The following CFAP100 variants were observed in gnomAD, a reference collection of about 807,000 sequenced individuals.
The protein encoded by CFAP100 is cilia and flagella associated protein 100, also known as cilia- and flagella-associated protein 100.
Under a neutral mutation model 81.5 loss-of-function variants are expected in CFAP100, and 70 were observed. That is an observed-to-expected ratio of 0.86 (90% CI 0.71 to 1.05). The LOEUF (loss-of-function observed/expected upper bound fraction) is 1.05, where lower values mean the gene tolerates loss of function less well. CFAP100 is among the 50% of genes least tolerant of loss of function. The pLI, the probability that CFAP100 is intolerant of heterozygous loss-of-function variation, is 0.00. For synonymous variants in CFAP100, 341 were observed against 314.8 expected (o/e 1.08, Z -0.88); for missense variants, 811 against 776.5 (o/e 1.04, Z -0.53).
chr3:126,416,313 C>T lies in CFAP100; in HGVS notation c.226-3C>T, dbSNP rs1286235953. The stretch of plus-strand genomic sequence containing the variant: ...CCCGCCCGACTTGGCCCGACGCCCC[C>T]AGGAACGGCAGCAGCAGAAGACGAT... On this transcript the variant is annotated splice_polypyrimidine_tract_variant and splice_region_variant and intron_variant, in intron 4 of 16. Coordinates refer to ENST00000352312, the MANE Select transcript of CFAP100 (RefSeq NM_182628.3). The T allele has an allele frequency of 3.0e-5, 47 of 1,580,298 alleles. No homozygotes were observed. Among genetic ancestry groups the T allele is most frequent in the African/African-American group, 4.1e-5 (3 of 73,826 alleles).
chr3:126,405,891 G>A (rs2083055218), intron 2 of CFAP100, among the ~76,000 whole-genome samples: 1 of 151,988 alleles, frequency 6.6e-6, no homozygotes, highest in African/African-American at 2.4e-5. Context: ...GGGCTCAAAG[G>A]ATCCTCCCCC....
intron 13 of CFAP100, among the ~76,000 whole-genome samples, chr3:126,431,762 T>C (rs1362757434): frequency 6.6e-6 from 1 of 152,146 alleles, no homozygotes; most frequent in African/African-American, 2.4e-5. Flanking sequence ...TTGCCATCCA[T>C]TTGTTGAAGA....
At chr3:126,407,781 A>G (rs985767399) in intron 3 of CFAP100, among the ~76,000 whole-genome samples, 3 of 152,202 alleles carry the variant, frequency 2.0e-5, no homozygotes, top group Non-Finnish European at 4.4e-5. Context: ...CAGGATCTAT[A>G]AGGAGGGCAC....
chr3:126,420,406 G>A (rs187991643), intron 11 of CFAP100, among the ~76,000 whole-genome samples, 177 bp downstream of exon 11: 6 of 152,396 alleles, frequency 3.9e-5, no homozygotes, highest in African/African-American at 9.6e-5. Flanking sequence ...GAGGGAGTAG[G>A]ACCTGTGGGC....
chr3:126,418,682 G>A lies in CFAP100; in HGVS notation c.558G>A (p.Leu186=). 1 of 1,582,020 alleles carries A rather than the reference G, an allele frequency of 6.3e-7. No individual in the cohort carries two copies. The highest frequency in any genetic ancestry group is 1.2e-5 in the South Asian group (1 of 86,946). The stretch of plus-strand genomic sequence containing the variant: ...TGGCGACCAAAGAGGAGGCCAGGCT[G>A]GAGCGGGCCGAGAAATCCCTGGAGA... The part of the protein sequence containing the change: ...ETLATKEEAR[L]ERAEKSLEKD... The change falls in exon 7 of 17, where the codon CTG becomes CTA. Residue 186 remains leucine, a synonymous_variant. Transcript: ENST00000352312.
intron 3 of CFAP100, among the ~76,000 whole-genome samples, chr3:126,409,338 G>A (rs1417320820): frequency 1.3e-5 from 2 of 152,236 alleles, no homozygotes; most frequent in Non-Finnish European, 2.9e-5. Context: ...AGTCCCTTCT[G>A]TGCATATGCC....
In CFAP100 at chr3:126,409,055, C is replaced by T. The variant is rs189037645; in HGVS notation, c.130+1803C>T. Among the ~76,000 whole-genome samples, 249 of 152,344 alleles carry T rather than the reference C, an allele frequency of 1.6e-3. 2 individuals carry two copies. The highest frequency in any genetic ancestry group is 1.9e-3 in the South Asian group (9 of 4,824). On this transcript the variant is annotated intron_variant, in intron 3 of 16. Coordinates refer to ENST00000352312, the MANE Select transcript of CFAP100 (RefSeq NM_182628.3). The stretch of plus-strand genomic sequence containing the variant: ...GCTTCAGCCTCGGCCTCCCAAAGTG[C>T]TGGGATTACAGGCGTGAGCCACTGC...
chr3:126,419,691 C>T lies in CFAP100; in HGVS notation c.786C>T (p.Phe262=), dbSNP rs765693151. ...AGCATTACAAGGTCTATAAGGATTT[C>T]CTATACAAGCTGTCGCCCAAGGAGT... ...TLKHYKVYKD[F]LYKLSPKEWL... The change falls in exon 9 of 17, where the codon TTC becomes TTT. Residue 262 remains phenylalanine, a synonymous_variant. Coordinates refer to ENST00000352312, the MANE Select transcript of CFAP100 (RefSeq NM_182628.3). The T allele has an allele frequency of 4.3e-6, 7 of 1,614,090 alleles. 1 individual carries two copies. The South Asian group carries it at 6.6e-5, about 15-fold the overall frequency.
chr3:126,416,194 AG>A, intron 4 of CFAP100, 121 bp from the exon 5 acceptor site: 1 of 652,566 alleles, frequency 1.5e-6, no homozygotes, highest in South Asian at 2.1e-5. Flanking sequence ...CCGGGACAGC[AG>A]TGTTCAGGTC....
At chr3:126,408,334 A>G (rs1382734124) in intron 3 of CFAP100, among the ~76,000 whole-genome samples, 2 of 152,150 alleles carry the variant, frequency 1.3e-5, no homozygotes, top group South Asian at 4.1e-4. Context: ...AGCCCAACCC[A>G]TGGTCAGACT....
At chr3:126,427,523 C>T (rs1416440289) in intron 13 of CFAP100, among the ~76,000 whole-genome samples, 3 of 152,152 alleles carry the variant, frequency 2.0e-5, no homozygotes, top group Admixed American at 1.3e-4. Context: ...CATCCATGTG[C>T]AGATTTTTTT....
At chr3:126,396,346 C>T (rs2082888969) in intron 2 of CFAP100, 2 of 342,882 alleles carry the variant, frequency 5.8e-6, no homozygotes, top group Non-Finnish European at 1.1e-5. Context: ...AGAACCCATT[C>T]CGGGCCTCTC....
intron 4 of CFAP100, among the ~76,000 whole-genome samples, chr3:126,415,763 CG>C (rs1280745773): frequency 6.7e-6 from 1 of 149,048 alleles, no homozygotes; most frequent in Non-Finnish European, 1.5e-5. Flanking sequence ...GGGGCGGGGT[CG>C]GGGTGTGGGG....
intron 2 of CFAP100, among the ~76,000 whole-genome samples, chr3:126,402,344 AG>A (rs1476885732): frequency 1.3e-5 from 2 of 152,184 alleles, no homozygotes; most frequent in Admixed American, 1.3e-4. Context: ...CTAGGACAGA[AG>A]GGGGTGCACC....
At chr3:126,433,329 C>A in intron 14 of CFAP100, 125 bp downstream of exon 14, 3 of 1,201,302 alleles carry the variant, frequency 2.5e-6, no homozygotes, top group Non-Finnish European at 3.5e-6. Flanking sequence ...CCTGCAGCTG[C>A]CCTTGCCCTG....
intron 3 of CFAP100, among the ~76,000 whole-genome samples, chr3:126,410,671 A>G (rs927749381): frequency 6.6e-6 from 1 of 151,798 alleles, no homozygotes; most frequent in African/African-American, 2.4e-5. Context: ...CAGCCTTTTT[A>G]TTTCTTTTTC....
chr3:126,421,778 AGTGTGGCCACGCCTT>A (rs1288520932), intron 11 of CFAP100, among the ~76,000 whole-genome samples: 1 of 152,238 alleles, frequency 6.6e-6, no homozygotes, highest in Non-Finnish European at 1.5e-5. Context: ...CTTTCTGCCC[AGTGTGGCCACGCCTT>A]GTGGTGAAGA....
At chr3:126,429,428 C>T (rs1933099675) in intron 13 of CFAP100, among the ~76,000 whole-genome samples, 1 of 152,042 alleles carries the variant, frequency 6.6e-6, no homozygotes, top group South Asian at 2.1e-4. Context: ...CTTTTCTCTG[C>T]CTCTTGTGAC....
intron 2 of CFAP100, among the ~76,000 whole-genome samples, chr3:126,403,409 G>A (rs1370514653): frequency 2.1e-5 from 3 of 144,346 alleles, no homozygotes; most frequent in African/African-American, 5.2e-5. Flanking sequence ...TTTTGAGACA[G>A]GGTCTCACTC....
Sources: gnomAD v4.1 joint callset for allele counts (sites outside exome capture counted in the v4.1 genomes callset) on GRCh38, gnomAD v4.1.1 for gene constraint, MANE v1.5 for transcripts, NCBI Gene and HGNC (gene_info 2026-07-23, HGNC 2026-07-21) for gene names.